MYH15: variants seen among roughly 807,000 people sequenced by gnomAD.
MYH15 encodes myosin heavy chain 15, also known as myosin-15.
Under a neutral mutation model 240.5 loss-of-function variants are expected in MYH15, and 227 were observed. That is an observed-to-expected ratio of 0.94 (90% confidence interval 0.85 to 1.05). MYH15 has a LOEUF of 1.05. Among genes scored for constraint, MYH15 ranks in the 50% least tolerant of loss-of-function variants. MYH15 has a pLI of 0.00. For synonymous variants in MYH15, 785 were observed against 796.7 expected (o/e 0.99, Z 0.25); for missense variants, 2,217 against 2,247.5 (o/e 0.99, Z 0.27).
intron 7 of MYH15, among the ~76,000 whole-genome samples, chr3:108,494,789 T>A (rs2083378675): frequency 6.6e-6 from 1 of 152,202 alleles, no homozygotes; most frequent in South Asian, 2.1e-4. Flanking sequence ...CCACCACACC[T>A]GGCTATCTTT....
Position 108,478,095 on chromosome 3 carries a change from GA to G in MYH15, c.1115-1581del, listed in dbSNP as rs1168170370. 4.0e-5 allele frequency among the ~76,000 whole-genome samples: 6 copies of G among 148,182 alleles called. No homozygotes were observed. In the East Asian group the frequency reaches 6.0e-4, roughly 15 times the overall value. ...TGCAGCCTTTCTTTAATTCACTAAA[GA>G]AAAAAAAAGCTGCAAATTTTCCAGA... On this transcript the variant is annotated intron_variant, in intron 11 of 40. Coordinates refer to ENST00000693548, the MANE Select transcript of MYH15 (RefSeq NM_014981.3).
intron 3 of MYH15, 94 bp from the exon 4 acceptor site, chr3:108,500,368 T>C: frequency 7.4e-7 from 1 of 1,357,442 alleles, no homozygotes. Context: ...TGCTCAAATA[T>C]TACTTATAAA....
At chr3:108,448,521 T>A (rs1455667872) in intron 21 of MYH15, among the ~76,000 whole-genome samples, 1 of 152,014 alleles carries the variant, frequency 6.6e-6, no homozygotes, top group Admixed American at 6.5e-5. Flanking sequence ...TATTACCTAA[T>A]GAAAAATGTG....
chr3:108,507,129 C>T (rs1296484473), intron 1 of MYH15, among the ~76,000 whole-genome samples: 1 of 151,184 alleles, frequency 6.6e-6, no homozygotes, highest in Admixed American at 6.6e-5. Context: ...TCACTTGAAC[C>T]CAGGAGTTGG....
intron 2 of MYH15, among the ~76,000 whole-genome samples, chr3:108,502,590 A>G (rs1422262041): frequency 6.6e-6 from 1 of 152,086 alleles, no homozygotes; most frequent in East Asian, 1.9e-4. Context: ...ATAAATAATC[A>G]ATAAATATTA....
At chr3:108,414,170 C>T in intron 30 of MYH15, 62 bp downstream of exon 30, 1 of 1,529,014 alleles carries the variant, frequency 6.5e-7, no homozygotes, top group Non-Finnish European at 9.0e-7. Context: ...GAGACAGAGT[C>T]ATTATTCTCA....
intron 27 of MYH15, among the ~76,000 whole-genome samples, chr3:108,424,414 C>T (rs563633979): frequency 3.7e-4 from 56 of 152,258 alleles, no homozygotes; most frequent in African/African-American, 1.3e-3. Context: ...GGGGATATAG[C>T]ATGCAAAAGA....
chr3:108,411,037 C>A (rs184567552), intron 30 of MYH15, 105 bp from the exon 31 acceptor site: 4 of 949,844 alleles, frequency 4.2e-6, no homozygotes, highest in Non-Finnish European at 6.2e-6. Context: ...AGTAAGATGG[C>A]GCCTCTGCAG....
intron 28 of MYH15, among the ~76,000 whole-genome samples, chr3:108,419,606 G>A (rs1276728112): frequency 6.6e-6 from 1 of 152,194 alleles, no homozygotes; most frequent in African/African-American, 2.4e-5. Context: ...AGATCAAACT[G>A]GGGGCTTGGT....
upstream of MYH15, chr3:108,510,606 T>C (rs764503065): frequency 1.1e-5 from 18 of 1,590,102 alleles, no homozygotes; most frequent in South Asian, 1.1e-4. Flanking sequence ...AAAAAATTGA[T>C]ACAGAGAAGA....
chr3:108,464,848 T>C (rs768603329), intron 14 of MYH15, 34 bp from the exon 15 acceptor site: 1 of 1,537,526 alleles, frequency 6.5e-7, no homozygotes, highest in South Asian at 1.3e-5. Flanking sequence ...CAGATTTCTT[T>C]AAAAACACCG....
the MYH15 span, among the ~76,000 whole-genome samples, chr3:108,540,015 TCA>T: frequency 3.9e-5 from 6 of 152,170 alleles, no homozygotes; most frequent in South Asian, 1.2e-3. Context: ...AAAATGTATC[TCA>T]CTTATATCCA....
At chr3:108,383,476 T>C in intron 40 of MYH15, 119 bp downstream of exon 40, 1 of 1,103,364 alleles carries the variant, frequency 9.1e-7, no homozygotes, top group Non-Finnish European at 1.3e-6. Context: ...CCTTTGTTCT[T>C]ATCTTTTAAA....
Position 108,508,111 on chromosome 3 carries a change from A to G in MYH15, c.89-2282T>C, listed in dbSNP as rs113166641. Among the ~76,000 whole-genome samples the G allele has an allele frequency of 8.1e-3, 1,232 of 152,284 alleles. 21 individuals are homozygous for G. Among genetic ancestry groups the G allele is most frequent in the African/African-American group, 0.028 (1,153 of 41,552 alleles). Reference sequence around the variant, plus strand: ...CAATAATGACTCTAGAAATGAGATCATCCACCTCCTGAATCAGTGCTCCTG... The same window carrying G: ...CAATAATGACTCTAGAAATGAGATCGTCCACCTCCTGAATCAGTGCTCCTG... On this transcript the variant is annotated intron_variant, in intron 1 of 40. Coordinates refer to ENST00000693548, the MANE Select transcript of MYH15 (RefSeq NM_014981.3).
At chr3:108,383,534 T>C in intron 40 of MYH15, 61 bp downstream of exon 40, 1 of 1,542,752 alleles carries the variant, frequency 6.5e-7, no homozygotes, top group South Asian at 1.3e-5. Context: ...GTCCATGCAA[T>C]GACATCAGCC....
intron 28 of MYH15, 33 bp from the exon 29 acceptor site, chr3:108,416,963 C>G: frequency 6.6e-7 from 1 of 1,508,372 alleles, no homozygotes; most frequent in Non-Finnish European, 9.2e-7. Context: ...TACATAATTA[C>G]AGTCTTCCTA....
intron 21 of MYH15, among the ~76,000 whole-genome samples, chr3:108,452,904 C>G (rs970018933): frequency 3.9e-5 from 6 of 151,968 alleles, no homozygotes; most frequent in Admixed American, 6.6e-5. Context: ...GATTGTTGAG[C>G]CCAGGAGTTC....
chr3:108,523,982 GT>G (rs1269752781), intron 1 of MYH15, among the ~76,000 whole-genome samples: 2 of 151,738 alleles, frequency 1.3e-5, no homozygotes, highest in Non-Finnish European at 1.5e-5. Flanking sequence ...ATTTCCAGAG[GT>G]TTTTTGCCGT....
intron 32 of MYH15, among the ~76,000 whole-genome samples, chr3:108,407,562 C>T (rs907034590): frequency 1.3e-5 from 2 of 152,184 alleles, no homozygotes; most frequent in Admixed American, 6.5e-5. Flanking sequence ...CCCAGAGATA[C>T]AGCCAGAGAC....
Sources: allele counts gnomAD v4.1 joint callset (sites outside exome capture counted in the v4.1 genomes callset), GRCh38; gene constraint gnomAD v4.1.1; transcripts MANE v1.5; gene names NCBI Gene and HGNC (gene_info 2026-07-23, HGNC 2026-07-21).